TXLNB: variants seen among roughly 807,000 people sequenced by gnomAD.
TXLNB encodes the protein beta-taxilin.
In TXLNB, 37 loss-of-function variants were observed where a neutral mutation model predicts 57.4. That is an observed-to-expected ratio of 0.64 (90% confidence interval 0.50 to 0.85). The LOEUF is 0.85. TXLNB is among the 40% of genes least tolerant of loss of function. The probability of loss-of-function intolerance (pLI) is 0.00; values close to 1 mark genes in which losing one functional copy is unlikely to be tolerated. For synonymous variants in TXLNB, 302 were observed against 309.6 expected, an observed-to-expected ratio of 0.98 and a Z score of 0.26; for missense variants, 848 against 825.6, an observed-to-expected ratio of 1.03 and a Z score of -0.33.
chr6:139,223,615 C>T, the TXLNB span, among the ~76,000 whole-genome samples: 1 of 151,546 alleles, frequency 6.6e-6, no homozygotes. Context: ...AACAAACAAC[C>T]CCATCAAAAA....
chr6:139,232,532 C>G, the TXLNB span, among the ~76,000 whole-genome samples: 1 of 152,154 alleles, frequency 6.6e-6, no homozygotes, highest in African/African-American at 2.4e-5. Context: ...TTGAAATTTT[C>G]TTTGTATATG....
Position 139,260,303 on chromosome 6 carries a change from TAAA to T in TXLNB, c.1002+12_1002+14del. The T allele has an allele frequency of 6.2e-7, 1 of 1,613,850 alleles. No homozygotes were observed. The highest frequency in any genetic ancestry group is 8.5e-7 in the Non-Finnish European group (1 of 1,179,920). On this transcript the variant is annotated intron_variant, in intron 6 of 9. Coordinates refer to ENST00000358430, the MANE Select transcript of TXLNB (RefSeq NM_153235.4). ...AGGTAGACCAGATATGCACAACGAC[TAAA>T]ATGATAAATACATATTCCTTTTCTC...
chr6:139,183,476 A>G, the TXLNB span: 1 of 152,092 alleles, frequency 6.6e-6, no homozygotes, highest in African/African-American at 2.4e-5. Flanking sequence ...CCTGAAGTTA[A>G]TTTTTTTGTT....
chr6:139,192,981 A>C, the TXLNB span, among the ~76,000 whole-genome samples: 8 of 150,982 alleles, frequency 5.3e-5, no homozygotes, highest in East Asian at 1.9e-4. Context: ...AAAACAAAAA[A>C]AAAAAACAAC....
At chr6:139,196,745 A>T in the TXLNB span, among the ~76,000 whole-genome samples, 128 of 152,308 alleles carry the variant, frequency 8.4e-4, 1 homozygote, top group African/African-American at 2.9e-3. Context: ...CTTATAGTCA[A>T]TTAAAAGGTA....
upstream of TXLNB, among the ~76,000 whole-genome samples, chr6:139,294,961 C>T (rs945474078): frequency 2.6e-5 from 4 of 152,026 alleles, no homozygotes; most frequent in Non-Finnish European, 5.9e-5. Context: ...TGCACTCCAG[C>T]CTGGGCGACA....
At chr6:139,226,225 G>C in the TXLNB span, among the ~76,000 whole-genome samples, 1 of 146,490 alleles carries the variant, frequency 6.8e-6, no homozygotes, top group Non-Finnish European at 1.5e-5. Flanking sequence ...TTGAGCCCAG[G>C]ATGCAGAGGT....
At position 139,242,675 on chromosome 6, in the gene TXLNB, C is replaced by CTCTTCTGCTGCT. The variant is rs760051989; in HGVS notation, c.1905_1906insAGCAGCAGAAGA (p.Cys635_Ala636insSerSerArgArg). 23 of 1,611,202 alleles carry CTCTTCTGCTGCT rather than the reference C, an allele frequency of 1.4e-5. No individual in the cohort carries two copies. In the Admixed American group the frequency reaches 3.7e-4, roughly 26 times the overall value. Reference sequence around the variant, plus strand: ...ATGGCTGCAACGTGCTCTTCTGCTGCGCATGCTGGAGCAGGCACATCTGCC... The same window carrying CTCTTCTGCTGCT: ...ATGGCTGCAACGTGCTCTTCTGCTGCTCTTCTGCTGCTGCATGCTGGAGCAGGCACATCTGCC... On this transcript the variant is annotated inframe_insertion, in exon 10 of 10. Coordinates refer to ENST00000358430, the MANE Select transcript of TXLNB (RefSeq NM_153235.4).
the TXLNB span, among the ~76,000 whole-genome samples, chr6:139,218,652 C>T: frequency 2.6e-5 from 4 of 151,730 alleles, no homozygotes; most frequent in Non-Finnish European, 5.9e-5. Context: ...CTTGGGAGGC[C>T]GAGGGAGGAG....
chr6:139,194,042 C>T, the TXLNB span, among the ~76,000 whole-genome samples: 1 of 151,330 alleles, frequency 6.6e-6, no homozygotes, highest in Non-Finnish European at 1.5e-5. Flanking sequence ...GGGGTTTCAC[C>T]GTGTTAGCCA....
At chr6:139,262,833 T>C in intron 4 of TXLNB, 60 bp from the exon 5 acceptor site, 1 of 1,547,724 alleles carries the variant, frequency 6.5e-7, no homozygotes, top group Admixed American at 1.8e-5. Flanking sequence ...GAACTCAGCA[T>C]TAGGTCACCT....
downstream of TXLNB, among the ~76,000 whole-genome samples, chr6:139,235,699 G>C (rs1159335146): frequency 2.0e-5 from 3 of 151,612 alleles, no homozygotes; most frequent in African/African-American, 4.9e-5. Flanking sequence ...CTGTACCCTC[G>C]AGCCTGTGCC....
chr6:139,166,565 T>G, the TXLNB span: 1 of 1,614,088 alleles, frequency 6.2e-7, no homozygotes. Flanking sequence ...CCAGGGCCAC[T>G]TGAAGAAGGA....
chr6:139,212,536 A>G, the TXLNB span, among the ~76,000 whole-genome samples: 2 of 152,250 alleles, frequency 1.3e-5, no homozygotes, highest in Non-Finnish European at 2.9e-5. Flanking sequence ...GCCAAATTGT[A>G]AAGACCATTG....
chr6:139,323,493 C>G, the TXLNB span, among the ~76,000 whole-genome samples: 1 of 152,042 alleles, frequency 6.6e-6, no homozygotes, highest in Non-Finnish European at 1.5e-5. Context: ...CAGTATTAGC[C>G]AGGATGGTCT....
upstream of TXLNB, among the ~76,000 whole-genome samples, chr6:139,296,818 C>T (rs540859131): frequency 6.6e-6 from 1 of 152,138 alleles, no homozygotes; most frequent in African/African-American, 2.4e-5. Context: ...AAGACAGGGG[C>T]GGGCGAGAGG....
intron 3 of TXLNB, among the ~76,000 whole-genome samples, chr6:139,276,333 ATTGT>A (rs1330935475): frequency 6.6e-6 from 1 of 152,208 alleles, no homozygotes; most frequent in Non-Finnish European, 1.5e-5. Context: ...AATAAATTCA[ATTGT>A]TTGTTCCATC....
chr6:139,172,806 T>C, the TXLNB span, among the ~76,000 whole-genome samples: 6 of 152,202 alleles, frequency 3.9e-5, no homozygotes, highest in Non-Finnish European at 8.8e-5. Flanking sequence ...CTTCCTACTC[T>C]CAGAAGTGGG....
the TXLNB span, among the ~76,000 whole-genome samples, chr6:139,229,640 C>G: frequency 6.6e-6 from 1 of 152,124 alleles, no homozygotes; most frequent in Admixed American, 6.6e-5. Flanking sequence ...TTTTATTTAC[C>G]TGATGTGTTT....
Sources: allele counts gnomAD v4.1 joint callset (sites outside exome capture counted in the v4.1 genomes callset), GRCh38; gene constraint gnomAD v4.1.1; transcripts MANE v1.5; gene names NCBI Gene and HGNC (gene_info 2026-07-23, HGNC 2026-07-21).